SLC25A36: variants seen among roughly 807,000 people sequenced by gnomAD.
SLC25A36 encodes epididymis secretory sperm binding protein.
A neutral mutation model predicts 35.3 loss-of-function variants in SLC25A36; 24 were observed. The ratio of observed to expected loss-of-function variants is 0.68; its 90% CI spans 0.49 to 0.96. SLC25A36 has a LOEUF of 0.96. SLC25A36 is among the 40% of genes least tolerant of loss of function. The pLI is 0.00. For missense variants in SLC25A36, 294 were observed against 381.1 expected (o/e 0.77, Z 1.90); for synonymous variants, 141 against 132.2 (o/e 1.07, Z -0.46).
At chr3:140,970,313 T>A (rs890764974) in intron 4 of SLC25A36, 1 of 152,040 alleles carries the variant, frequency 6.6e-6, no homozygotes, top group Non-Finnish European at 1.5e-5. Flanking sequence ...TGTGTTTAAG[T>A]AAATGACGAT....
intron 1 of SLC25A36, among the ~76,000 whole-genome samples, chr3:140,946,337 G>A (rs1559809251): frequency 6.6e-6 from 1 of 152,160 alleles, no homozygotes; most frequent in Non-Finnish European, 1.5e-5. Context: ...CCCTAGCCCT[G>A]GTAAGAGTGA....
rs1475797552 is a variant in SLC25A36, at chr3:140,979,719, T to C, written c.*3266T>C. Reference sequence around the variant, plus strand: ...GACTCAGTTTTTGTGTTTATAAACTTTTGGAATGTGTACCCCGTTTATGTG... The same window carrying C: ...GACTCAGTTTTTGTGTTTATAAACTCTTGGAATGTGTACCCCGTTTATGTG... On this transcript the variant is annotated 3_prime_UTR_variant, in exon 7 of 7. Transcript: ENST00000324194. 1 of 152,184 alleles carries C rather than the reference T, an allele frequency of 6.6e-6. No individual in the cohort carries two copies. Among genetic ancestry groups the C allele is most frequent in the Non-Finnish European group, 1.5e-5 (1 of 68,016 alleles). The allele number at this position is 152,184 out of a possible 1,614,324, so 9.4% of individuals were successfully genotyped here. A position where few individuals can be genotyped will look rare whatever the true frequency, so the allele number is the denominator to read the frequency against.
At chr3:140,949,550 T>G (rs1283165759) in intron 1 of SLC25A36, among the ~76,000 whole-genome samples, 2 of 152,234 alleles carry the variant, frequency 1.3e-5, no homozygotes, top group Non-Finnish European at 2.9e-5. Context: ...GACATTTGCC[T>G]ATAAAACTTT....
intron 3 of SLC25A36, 61 bp downstream of exon 3, chr3:140,959,601 C>T: frequency 1.3e-6 from 1 of 742,194 alleles, no homozygotes; most frequent in Non-Finnish European, 2.1e-6. Context: ...TTCAGCACAC[C>T]TGGATTTAAT....
At position 140,980,455 on chromosome 3, in the gene SLC25A36, A is replaced by G. The variant is rs527992587; in HGVS notation, c.*4002A>G. 7.2e-5 allele frequency among the ~76,000 whole-genome samples: 11 copies of G among 152,306 alleles called. No individual in the cohort carries two copies. The South Asian group carries it at 2.1e-3, about 29-fold the overall frequency. The stretch of plus-strand genomic sequence containing the variant: ...AGGACGAAATATATTTTGTATTTCA[A>G]CATTGACATAAATCTGAAATTGTTG... On this transcript the variant is annotated 3_prime_UTR_variant, in exon 7 of 7. Transcript: ENST00000324194.
At chr3:140,971,726 T>G (rs951033384) in intron 5 of SLC25A36, among the ~76,000 whole-genome samples, 22 of 152,176 alleles carry the variant, frequency 1.4e-4, no homozygotes, top group Non-Finnish European at 2.8e-4. Flanking sequence ...TCCTACTGGC[T>G]TTAGAATAGA....
chr3:140,952,332 T>C (rs892035042), intron 1 of SLC25A36, among the ~76,000 whole-genome samples: 9 of 152,152 alleles, frequency 5.9e-5, no homozygotes, highest in African/African-American at 2.2e-4. Flanking sequence ...TCTTTCTTTT[T>C]TTCAGAGACA....
intron 1 of SLC25A36, among the ~76,000 whole-genome samples, chr3:140,951,761 C>G (rs1376100208): frequency 6.6e-6 from 1 of 152,126 alleles, no homozygotes; most frequent in Non-Finnish European, 1.5e-5. Flanking sequence ...TCCCAAAGTC[C>G]TAGGTTTACA....
At chr3:140,973,586 A>G (rs1442932202) in intron 5 of SLC25A36, 130 bp from the exon 6 acceptor site, 3 of 689,048 alleles carry the variant, frequency 4.4e-6, no homozygotes, top group South Asian at 1.1e-4. Flanking sequence ...TAAAATATGA[A>G]TATTGTTTTA....
At chr3:140,974,060 C>G in intron 6 of SLC25A36, 55 bp downstream of exon 6, 1 of 1,218,196 alleles carries the variant, frequency 8.2e-7, no homozygotes, top group Non-Finnish European at 1.1e-6. Context: ...GCCAACAGCT[C>G]ACTTATTAAA....
chr3:140,942,959 G>A (rs927961330), intron 1 of SLC25A36, among the ~76,000 whole-genome samples: 1 of 152,138 alleles, frequency 6.6e-6, no homozygotes, highest in Non-Finnish European at 1.5e-5. Context: ...AGTGGAGAGA[G>A]GTCAGATTTT....
intron 6 of SLC25A36, 123 bp from the exon 7 acceptor site, chr3:140,976,136 AT>A: frequency 1.5e-6 from 1 of 660,586 alleles, no homozygotes; most frequent in Non-Finnish European, 2.5e-6. Flanking sequence ...TAAGCTACAC[AT>A]TAGAAGCCAT....
At chr3:140,963,362 A>G (rs1934679891) in intron 4 of SLC25A36, 135 bp downstream of exon 4, 2 of 605,462 alleles carry the variant, frequency 3.3e-6, no homozygotes, top group African/African-American at 1.9e-5. Context: ...GTTTATCGAT[A>G]TAAACCAAAT....
chr3:140,944,281 C>T (rs767627253), intron 1 of SLC25A36, among the ~76,000 whole-genome samples: 3 of 152,174 alleles, frequency 2.0e-5, no homozygotes, highest in Non-Finnish European at 4.4e-5. Context: ...TCCCACATTT[C>T]TAATAGCCTA....
At chr3:140,943,882 T>C (rs887979807) in intron 1 of SLC25A36, among the ~76,000 whole-genome samples, 1 of 152,186 alleles carries the variant, frequency 6.6e-6, no homozygotes, top group East Asian at 1.9e-4. Flanking sequence ...CATGTAAATA[T>C]AGGTTTTCTG....
chr3:140,963,182 G>A lies in SLC25A36; in HGVS notation c.340G>A (p.Asp114Asn). 1 of 1,597,074 alleles carries A rather than the reference G, an allele frequency of 6.3e-7. No individual in the cohort carries two copies. Among genetic ancestry groups the A allele is most frequent in the Non-Finnish European group, 8.5e-7 (1 of 1,175,766 alleles). Reference sequence around the variant, plus strand: ...CAAGGAAAAGTTGAATGATGTATTTGATCCTGATTCTACCCAAGTACATAT... The same window carrying A: ...CAAGGAAAAGTTGAATGATGTATTTAATCCTGATTCTACCCAAGTACATAT... ...NCKEKLNDVF[D>N]PDSTQVHMIS... Residue 114 changes from aspartate (D) to asparagine (N), a missense_variant, in exon 4 of 7, where the codon GAT (aspartate) becomes AAT (asparagine). Around this residue, in one of 2 missense-constraint regions of SLC25A36, gnomAD observed 185 missense variants for 201.5 expected, o/e 0.92. Coordinates refer to ENST00000324194, the MANE Select transcript of SLC25A36 (RefSeq NM_001104647.3).
chr3:140,951,263 G>A (rs1404988307), intron 1 of SLC25A36, among the ~76,000 whole-genome samples: 1 of 152,124 alleles, frequency 6.6e-6, no homozygotes, highest in Non-Finnish European at 1.5e-5. Flanking sequence ...TAAATCTAAT[G>A]TAGTTCATCC....
rs187931895 is a variant in SLC25A36 at position 140,979,495 on chromosome 3, C to T, written c.*3042C>T. On this transcript the variant is annotated 3_prime_UTR_variant, in exon 7 of 7. Coordinates refer to ENST00000324194, the MANE Select transcript of SLC25A36 (RefSeq NM_001104647.3). Reference sequence around the variant, plus strand: ...GATAAGTACAGTTCAGCCTTTTCTCCTCAAATATATAATGACTTTAACATT... The same window carrying T: ...GATAAGTACAGTTCAGCCTTTTCTCTTCAAATATATAATGACTTTAACATT... 4 of 152,226 alleles carry T rather than the reference C, an allele frequency of 2.6e-5. No individual in the cohort carries two copies. In the East Asian group the frequency reaches 7.7e-4, roughly 29 times the overall value. The allele number at this position is 152,226 out of a possible 1,614,324, so 9.4% of individuals were successfully genotyped here.
chr3:140,973,101 A>T (rs953531146), intron 5 of SLC25A36: 3 of 152,194 alleles, frequency 2.0e-5, no homozygotes, highest in African/African-American at 7.2e-5. Flanking sequence ...ATAACACTAC[A>T]GTTTCTCATT....
Sources: allele counts gnomAD v4.1 joint callset (sites outside exome capture counted in the v4.1 genomes callset), GRCh38; gene constraint gnomAD v4.1.1; regional missense constraint gnomAD v4.1.1; transcripts MANE v1.5; gene names NCBI Gene and HGNC (gene_info 2026-07-23, HGNC 2026-07-21).